The following NAV1 variants were observed in gnomAD, a reference collection of about 807,000 sequenced individuals.
The protein encoded by NAV1 is pore membrane and/or filament interacting like protein 3.
Under a neutral mutation model 175.2 loss-of-function variants are expected in NAV1, and 18 were observed. The ratio of observed to expected loss-of-function variants is 0.10; its 90% confidence interval spans 0.07 to 0.15. The LOEUF (loss-of-function observed/expected upper bound fraction) is 0.15. Among genes scored for constraint, NAV1 ranks in the 10% least tolerant of loss-of-function variants. The pLI is 1.00. For synonymous variants in NAV1, 897 were observed against 978.7 expected (o/e 0.92, Z 1.56); for missense variants, 1,731 against 2,436.6 (o/e 0.71, Z 6.10).
intron 3 of NAV1, among the ~76,000 whole-genome samples, chr1:201,758,412 C>T (rs1166224776): frequency 2.6e-5 from 4 of 152,228 alleles, no homozygotes; most frequent in Admixed American, 2.6e-4. Flanking sequence ...TTCTGTCAAG[C>T]TACATAGCCT....
chr1:201,703,894 C>A (rs1304187714), intron 1 of NAV1, among the ~76,000 whole-genome samples: 2 of 152,208 alleles, frequency 1.3e-5, no homozygotes, highest in Admixed American at 6.5e-5. Context: ...CAGGCAGCTC[C>A]CAGCCTCAAG....
chr1:201,672,814 A>G (rs988145976), intron 1 of NAV1, among the ~76,000 whole-genome samples: 1 of 152,246 alleles, frequency 6.6e-6, no homozygotes, highest in Non-Finnish European at 1.5e-5. Flanking sequence ...CTTGGTTTGC[A>G]TGTTGTAAAA....
chr1:201,737,870 G>T lies in NAV1; in HGVS notation c.1226+19115G>T, dbSNP rs115788731. Among the ~76,000 whole-genome samples, 1,215 of 152,270 alleles carry T rather than the reference G, an allele frequency of 8.0e-3. 12 individuals are homozygous for T. The highest frequency in any genetic ancestry group is 0.023 in the African/African-American group (956 of 41,538). On this transcript the variant is annotated intron_variant, in intron 3 of 29. Transcript: ENST00000367296. ...TACTCAGGATTCCATGCTGGCTGAG[G>T]CTAAAGAGAATCCCTTATGGCACGT...
intron 1 of NAV1, among the ~76,000 whole-genome samples, chr1:201,712,577 C>A (rs1671952805): frequency 6.6e-6 from 1 of 152,144 alleles, no homozygotes; most frequent in African/African-American, 2.4e-5. Flanking sequence ...TGCACAGACA[C>A]AGAAAGCCAT....
chr1:201,583,364 T>A (rs1666926134), intron 1 of NAV1, among the ~76,000 whole-genome samples: 1 of 152,240 alleles, frequency 6.6e-6, no homozygotes, highest in Non-Finnish European at 1.5e-5. Context: ...AAGCCAACCC[T>A]TTTTCCCATC....
At chr1:201,704,063 G>A (rs1408961323) in intron 1 of NAV1, among the ~76,000 whole-genome samples, 1 of 152,220 alleles carries the variant, frequency 6.6e-6, no homozygotes, top group Non-Finnish European at 1.5e-5. Flanking sequence ...TGGGTCCCCA[G>A]AACCTCCCTG....
intron 3 of NAV1, among the ~76,000 whole-genome samples, chr1:201,729,226 G>A (rs929858695): frequency 1.3e-5 from 2 of 152,390 alleles, no homozygotes; most frequent in Admixed American, 1.3e-4. Context: ...AAGTTTGGAA[G>A]TATGACAGGC....
intron 1 of NAV1, among the ~76,000 whole-genome samples, chr1:201,563,602 C>T (rs1424581428): frequency 6.6e-6 from 1 of 152,076 alleles, no homozygotes; most frequent in African/African-American, 2.4e-5. Context: ...CACCTGGGGG[C>T]CCTTTGGCTA....
chr1:201,613,855 C>CAATAAT (rs967804882), intron 2 of NAV1, among the ~76,000 whole-genome samples: 1 of 151,706 alleles, frequency 6.6e-6, no homozygotes, highest in Non-Finnish European at 1.5e-5. Context: ...GCGCAAGGCT[C>CAATAAT]AATAATAATA....
intron 1 of NAV1, among the ~76,000 whole-genome samples, chr1:201,682,684 G>A (rs903150359): frequency 2.6e-5 from 4 of 151,704 alleles, no homozygotes; most frequent in African/African-American, 4.9e-5. Context: ...TTCACATCCC[G>A]GGAATACTTT....
intron 2 of NAV1, among the ~76,000 whole-genome samples, chr1:201,591,032 A>G (rs1324346948): frequency 1.3e-5 from 2 of 152,058 alleles, no homozygotes; most frequent in African/African-American, 4.8e-5. Context: ...CCCTCTCTCC[A>G]ACACATGCAG....
At chr1:201,548,901 T>TG (rs921942286) in intron 1 of NAV1, among the ~76,000 whole-genome samples, 2 of 152,216 alleles carry the variant, frequency 1.3e-5, no homozygotes, top group African/African-American at 4.8e-5. Context: ...AGAGTTTACG[T>TG]GGATAACCAC....
At chr1:201,728,934 G>C (rs1224309192) in intron 3 of NAV1, among the ~76,000 whole-genome samples, 1 of 152,242 alleles carries the variant, frequency 6.6e-6, no homozygotes, top group Non-Finnish European at 1.5e-5. Context: ...GCTAGCTAAG[G>C]AGTGCTCCTT....
chr1:201,691,675 T>G (rs1382106331), intron 1 of NAV1, among the ~76,000 whole-genome samples: 1 of 152,218 alleles, frequency 6.6e-6, no homozygotes, highest in African/African-American at 2.4e-5. Context: ...GCGGCTTGTA[T>G]GACCCTGGCT....
intron 3 of NAV1, among the ~76,000 whole-genome samples, chr1:201,753,004 G>A (rs1391690008): frequency 2.6e-5 from 4 of 151,404 alleles, no homozygotes. Flanking sequence ...GGGTAGTTTT[G>A]GGGGGAACGA....
At chr1:201,633,801 G>C (rs1168708314) in intron 2 of NAV1, among the ~76,000 whole-genome samples, 1 of 152,246 alleles carries the variant, frequency 6.6e-6, no homozygotes, top group Non-Finnish European at 1.5e-5. Context: ...AAACAGTTCA[G>C]GGGCAGATGA....
intron 1 of NAV1, among the ~76,000 whole-genome samples, chr1:201,672,240 C>A (rs1473409717): frequency 6.6e-6 from 1 of 152,168 alleles, no homozygotes; most frequent in African/African-American, 2.4e-5. Flanking sequence ...CAATACTATG[C>A]ACAATATATT....
intron 3 of NAV1, among the ~76,000 whole-genome samples, chr1:201,729,130 A>G (rs1040819679): frequency 2.5e-4 from 38 of 151,416 alleles, no homozygotes; most frequent in Admixed American, 1.6e-3. Flanking sequence ...TTAATTGTCA[A>G]CCTTTTCCTT....
intron 3 of NAV1, among the ~76,000 whole-genome samples, chr1:201,763,047 C>T (rs1040117551): frequency 3.3e-5 from 5 of 152,082 alleles, no homozygotes; most frequent in African/African-American, 1.2e-4. Context: ...TCCTTCAGGC[C>T]CTCTCCAATA....
Sources: allele counts gnomAD v4.1 joint callset (sites outside exome capture counted in the v4.1 genomes callset), GRCh38; gene constraint gnomAD v4.1.1; transcripts MANE v1.5; gene names NCBI Gene and HGNC (gene_info 2026-07-23, HGNC 2026-07-21).